The following SH3GLB1 variants were observed in gnomAD, a reference collection of about 807,000 sequenced individuals.
The protein encoded by SH3GLB1 is endophilin-B1.
Under a neutral mutation model 42.0 loss-of-function variants are expected in SH3GLB1, and 17 were observed. The observed-to-expected ratio is 0.40, with a 90% confidence interval of 0.28 to 0.61. The LOEUF (loss-of-function observed/expected upper bound fraction) is 0.61. Ranked by LOEUF, SH3GLB1 falls within the 20% of genes least tolerant of loss-of-function variation. The pLI, the probability that SH3GLB1 is intolerant of heterozygous loss-of-function variation, is 0.36. For missense variants in SH3GLB1, 355 were observed against 426.3 expected, an observed-to-expected ratio of 0.83 and a Z score of 1.47; for synonymous variants, 132 against 146.6, an observed-to-expected ratio of 0.90 and a Z score of 0.72.
intron 1 of SH3GLB1, among the ~76,000 whole-genome samples, chr1:86,715,196 A>G (rs1236046215): frequency 6.6e-6 from 1 of 151,588 alleles, no homozygotes; most frequent in Non-Finnish European, 1.5e-5. Context: ...CTTAATAATT[A>G]CAAGGCACCA....
At position 86,745,143 on chromosome 1, in the gene SH3GLB1, A is replaced by G. The variant is rs1656240189; in HGVS notation, c.*1908A>G. ...GAAAGAATATCGGTAATGGAGTGAA[A>G]TGGTCCTGGGTTCAAATCCAGTCTT... On this transcript the variant is annotated 3_prime_UTR_variant, in exon 9 of 9. Coordinates refer to ENST00000370558, the MANE Select transcript of SH3GLB1 (RefSeq NM_016009.5). The G allele has an allele frequency of 6.6e-6, 1 of 152,228 alleles. No homozygotes were observed. The highest frequency in any genetic ancestry group is 1.5e-5 in the Non-Finnish European group (1 of 68,038). 9.4% of individuals were successfully genotyped at this position (152,228 alleles called of 1,614,324 possible). A position where few individuals can be genotyped will look rare whatever the true frequency, so the allele number is the denominator to read the frequency against.
chr1:86,713,509 C>T (rs763822150), intron 1 of SH3GLB1, among the ~76,000 whole-genome samples: 2 of 152,028 alleles, frequency 1.3e-5, no homozygotes, highest in Non-Finnish European at 2.9e-5. Context: ...TGCTAATGAG[C>T]TTAAAGAAAT....
intron 2 of SH3GLB1, among the ~76,000 whole-genome samples, chr1:86,716,258 T>TTTG (rs1654525090): frequency 1.6e-5 from 2 of 123,518 alleles, no homozygotes; most frequent in East Asian, 2.7e-4. Context: ...TGGTGTGTTT[T>TTTG]TTTGTTTGTT....
intron 1 of SH3GLB1, among the ~76,000 whole-genome samples, chr1:86,714,132 G>A (rs1570411327): frequency 1.3e-5 from 2 of 152,228 alleles, no homozygotes; most frequent in Non-Finnish European, 2.9e-5. Context: ...GTTCACCTGA[G>A]TGAAAGGTAT....
chr1:86,734,956 T>C (rs1655707734), intron 6 of SH3GLB1, 123 bp from the exon 7 acceptor site: 1 of 727,314 alleles, frequency 1.4e-6, no homozygotes, highest in Non-Finnish European at 2.4e-6. Flanking sequence ...TTAATAAGCC[T>C]TGTAGTAAAA....
chr1:86,728,531 C>A, intron 5 of SH3GLB1: 1 of 1,202,000 alleles, frequency 8.3e-7, no homozygotes, highest in Non-Finnish European at 1.2e-6. Context: ...GAATAAAGTG[C>A]CTTCTCTTGC....
rs1656181213 is a variant in SH3GLB1, at chr1:86,743,967, A to T, written c.*732A>T. ...CTTCATTAAACATAAAGTTTTTAAG[A>T]TTATTCAGTTGGCACAATTTAATGC... On this transcript the variant is annotated 3_prime_UTR_variant, in exon 9 of 9. Transcript: ENST00000370558. 1 of 152,624 alleles carries T rather than the reference A, an allele frequency of 6.6e-6. No individual in the cohort carries two copies. Among genetic ancestry groups the T allele is most frequent in the Non-Finnish European group, 1.5e-5 (1 of 68,018 alleles). The allele number at this position is 152,624 out of a possible 1,614,324, so 9.5% of individuals were successfully genotyped here. A position where few individuals can be genotyped will look rare whatever the true frequency, so the allele number is the denominator to read the frequency against.
At chr1:86,705,701 C>T (rs549974798) in intron 1 of SH3GLB1, among the ~76,000 whole-genome samples, 123 of 152,246 alleles carry the variant, frequency 8.1e-4, no homozygotes, top group African/African-American at 2.8e-3. Context: ...GACTACCTCT[C>T]GATATTCTAC....
At chr1:86,737,741 A>G (rs1655846361) in intron 7 of SH3GLB1, among the ~76,000 whole-genome samples, 1 of 152,244 alleles carries the variant, frequency 6.6e-6, no homozygotes, top group Admixed American at 6.5e-5. Context: ...TATATAAATT[A>G]TATAGTATAT....
intron 3 of SH3GLB1, 128 bp downstream of exon 3, chr1:86,719,763 A>T: frequency 1.2e-6 from 1 of 815,680 alleles, no homozygotes. Context: ...TGGGTGGTTG[A>T]GGTGGGCGGA....
intron 2 of SH3GLB1, among the ~76,000 whole-genome samples, chr1:86,717,799 T>G (rs1558303659): frequency 6.6e-6 from 1 of 152,238 alleles, no homozygotes; most frequent in Non-Finnish European, 1.5e-5. Context: ...CTATGTTGTT[T>G]TCAATGTATG....
chr1:86,706,616 C>T (rs1016940304), intron 1 of SH3GLB1, among the ~76,000 whole-genome samples: 2 of 152,196 alleles, frequency 1.3e-5, no homozygotes, highest in African/African-American at 4.8e-5. Context: ...GACACTTGTA[C>T]ACTTTTAACA....
At chr1:86,707,089 C>T (rs1327359119) in intron 1 of SH3GLB1, among the ~76,000 whole-genome samples, 2 of 152,190 alleles carry the variant, frequency 1.3e-5, no homozygotes, top group South Asian at 4.1e-4. Context: ...TACATTGTAG[C>T]GGAAGATAAG....
intron 5 of SH3GLB1, among the ~76,000 whole-genome samples, chr1:86,731,097 T>G (rs772039932): frequency 6.6e-6 from 1 of 152,224 alleles, no homozygotes; most frequent in Admixed American, 6.5e-5. Flanking sequence ...TTACCATTTC[T>G]AATCTTCTGT....
chr1:86,742,402 C>T lies in SH3GLB1; in HGVS notation c.956C>T (p.Ala319Val). The change falls in exon 8 of 9, where the codon GCA becomes GTA. Residue 319 changes from alanine (A) to valine (V), a missense_variant. Coordinates refer to ENST00000370558, the MANE Select transcript of SH3GLB1 (RefSeq NM_016009.5). ...AGGGTTCTCTATGATTATGATGCAG[C>T]AAACAGTACTGAATTATCACTTCTG... ...KARVLYDYDA[A>V]NSTELSLLAD... 1.9e-6 allele frequency: 3 copies of T among 1,613,998 alleles called. No individual in the cohort carries two copies. The highest frequency in any genetic ancestry group is 2.5e-6 in the Non-Finnish European group (3 of 1,179,966).
intron 4 of SH3GLB1, among the ~76,000 whole-genome samples, chr1:86,723,399 A>G (rs1441108089): frequency 6.6e-6 from 1 of 152,164 alleles, no homozygotes; most frequent in Non-Finnish European, 1.5e-5. Context: ...CTGTAATTCC[A>G]GCTACTTGGG....
chr1:86,711,990 G>A (rs1421452429), intron 1 of SH3GLB1, among the ~76,000 whole-genome samples: 1 of 152,018 alleles, frequency 6.6e-6, no homozygotes, highest in African/African-American at 2.4e-5. Context: ...TAGAGAAAAT[G>A]TATTAAATAT....
chr1:86,730,013 T>G, intron 5 of SH3GLB1: 3 of 1,364,264 alleles, frequency 2.2e-6, no homozygotes, highest in Non-Finnish European at 3.0e-6. Context: ...ATTTATATTT[T>G]TCTATACTAA....
Position 86,743,256 on chromosome 1 carries a change from T to TTGCC in SH3GLB1, c.*22_*25dup, listed in dbSNP as rs2101993774. On this transcript the variant is annotated 3_prime_UTR_variant, in exon 9 of 9. Coordinates refer to ENST00000370558, the MANE Select transcript of SH3GLB1 (RefSeq NM_016009.5). ...ATTAAGTAGGTGGACTATGGAAAGG[T>TTGCC]TGCCCATCATGACTTTGTATTTATA... is the stretch of plus-strand genomic sequence containing the variant. The TTGCC allele has an allele frequency of 6.5e-7, 1 of 1,537,456 alleles. No individual in the cohort carries two copies. The highest frequency in any genetic ancestry group is 8.8e-7 in the Non-Finnish European group (1 of 1,131,426).
Sources: gnomAD v4.1 joint callset for allele counts (sites outside exome capture counted in the v4.1 genomes callset) on GRCh38, gnomAD v4.1.1 for gene constraint, MANE v1.5 for transcripts, NCBI Gene and HGNC (gene_info 2026-07-23, HGNC 2026-07-21) for gene names.